The following SPOCK1 variants were observed in gnomAD, a reference collection of about 807,000 sequenced individuals.
SPOCK1 encodes the protein testican-1.
In SPOCK1, 23 loss-of-function variants were observed where a neutral mutation model predicts 55.3. The ratio of observed to expected loss-of-function variants is 0.42; its 90% CI spans 0.30 to 0.59. The LOEUF is 0.59. SPOCK1 is among the 20% of genes least tolerant of loss of function. The pLI is 0.22. For synonymous variants in SPOCK1, 226 were observed against 221.0 expected (o/e 1.02, Z -0.20); for missense variants, 499 against 552.5 (o/e 0.90, Z 0.97).
Position 136,976,077 on chromosome 5 carries a change from G to A in SPOCK1, c.*2577C>T, listed in dbSNP as rs976646092. 6.6e-6 allele frequency: 1 copy of A among 152,062 alleles called. No homozygotes were observed. Among genetic ancestry groups the A allele is most frequent in the South Asian group, 2.1e-4 (1 of 4,828 alleles). 9.4% of individuals were successfully genotyped at this position (152,062 alleles called of 1,614,324 possible). On this transcript the variant is annotated 3_prime_UTR_variant, in exon 11 of 11. Transcript: ENST00000394945. ...CACTGGTACAAGTGGACTTTTTGGA[G>A]GACTATTTCCAAGAAGAAGAAAGCA...
chr5:137,418,773 T>C (rs1384008643), intron 2 of SPOCK1, among the ~76,000 whole-genome samples: 1 of 152,236 alleles, frequency 6.6e-6, no homozygotes, highest in Non-Finnish European at 1.5e-5. Flanking sequence ...CTGATGGTAG[T>C]TAATTTTGCT....
At chr5:137,286,840 A>G (rs948863848) in intron 2 of SPOCK1, among the ~76,000 whole-genome samples, 2 of 152,188 alleles carry the variant, frequency 1.3e-5, no homozygotes, top group Non-Finnish European at 2.9e-5. Context: ...GTATGAATTA[A>G]CCTACATCAT....
At chr5:137,425,950 AG>A (rs1460075926) in intron 2 of SPOCK1, among the ~76,000 whole-genome samples, 5 of 143,914 alleles carry the variant, frequency 3.5e-5, no homozygotes, top group Non-Finnish European at 6.0e-5. Context: ...TATATTGTTA[AG>A]GGTACATTAC....
chr5:137,056,473 A>G (rs1037111695), intron 6 of SPOCK1, among the ~76,000 whole-genome samples: 3 of 152,140 alleles, frequency 2.0e-5, no homozygotes, highest in African/African-American at 7.2e-5. Flanking sequence ...GGCTTAGGAT[A>G]TAATATCCTA....
intron 3 of SPOCK1, among the ~76,000 whole-genome samples, chr5:137,153,410 A>G (rs1384235935): frequency 6.6e-6 from 1 of 152,192 alleles, no homozygotes; most frequent in Non-Finnish European, 1.5e-5. Flanking sequence ...GGAGACTTCA[A>G]TTTGTCAATT....
At chr5:137,336,083 T>G (rs1266416892) in intron 2 of SPOCK1, among the ~76,000 whole-genome samples, 1 of 152,208 alleles carries the variant, frequency 6.6e-6, no homozygotes. Flanking sequence ...TCTAAAATAA[T>G]GAATACTCTG....
chr5:137,184,772 C>A (rs914709312), intron 3 of SPOCK1, among the ~76,000 whole-genome samples: 1 of 152,098 alleles, frequency 6.6e-6, no homozygotes, highest in African/African-American at 2.4e-5. Flanking sequence ...CTCCATCACC[C>A]CCTCCTGTTC....
chr5:137,130,784 C>A (rs1218348358), intron 4 of SPOCK1, among the ~76,000 whole-genome samples: 1 of 152,234 alleles, frequency 6.6e-6, no homozygotes, highest in Non-Finnish European at 1.5e-5. Context: ...ACAAGCCAGG[C>A]TGAGAGGAGA....
At chr5:137,050,502 C>A (rs572464673) in intron 6 of SPOCK1, among the ~76,000 whole-genome samples, 2 of 150,364 alleles carry the variant, frequency 1.3e-5, no homozygotes, top group Admixed American at 6.6e-5. Flanking sequence ...CTTCGGCTCG[C>A]GCACGGTGCG....
chr5:137,323,740 A>G (rs1330923805), intron 2 of SPOCK1, among the ~76,000 whole-genome samples: 1 of 152,168 alleles, frequency 6.6e-6, no homozygotes, highest in Non-Finnish European at 1.5e-5. Context: ...ACTCAACATC[A>G]CTAATAAGCA....
rs1488328989 is a variant in SPOCK1 at position 137,140,393 on chromosome 5, T to C, written c.347+187A>G. 2.0e-5 allele frequency among the ~76,000 whole-genome samples: 3 copies of C among 152,248 alleles called. No individual in the cohort carries two copies. The East Asian group carries it at 5.8e-4, about 29-fold the overall frequency. ...AAAGGAAATAAAGATGGACATTCTT[T>C]GTAAACCTGTGTTTGAGAACTGAGA... On this transcript the variant is annotated intron_variant, in intron 4 of 10. Coordinates refer to ENST00000394945, the MANE Select transcript of SPOCK1 (RefSeq NM_004598.4).
intron 3 of SPOCK1, among the ~76,000 whole-genome samples, chr5:137,204,569 A>G (rs1755486698): frequency 1.3e-5 from 2 of 151,914 alleles, no homozygotes; most frequent in African/African-American, 4.8e-5. Context: ...ACCCTGTACC[A>G]TAGATTCTAC....
At chr5:137,451,567 T>C (rs1753256421) in intron 2 of SPOCK1, among the ~76,000 whole-genome samples, 1 of 152,234 alleles carries the variant, frequency 6.6e-6, no homozygotes. Context: ...CTAATGTGCT[T>C]TCCCTGCAAC....
chr5:137,043,139 G>C (rs1201928113), intron 6 of SPOCK1, among the ~76,000 whole-genome samples: 1 of 152,084 alleles, frequency 6.6e-6, no homozygotes, highest in African/African-American at 2.4e-5. Context: ...CACCACAGTG[G>C]GGGTATGTCA....
At chr5:137,075,985 C>A (rs1423973320) in intron 5 of SPOCK1, among the ~76,000 whole-genome samples, 1 of 152,198 alleles carries the variant, frequency 6.6e-6, no homozygotes, top group Non-Finnish European at 1.5e-5. Flanking sequence ...GAGAATAGTG[C>A]AGATGAGGAA....
chr5:137,075,676 A>G (rs1259168179), intron 5 of SPOCK1, among the ~76,000 whole-genome samples: 1 of 152,172 alleles, frequency 6.6e-6, no homozygotes, highest in Non-Finnish European at 1.5e-5. Flanking sequence ...GTTTCTCTAA[A>G]CTGTGTGACG....
rs187737705 is a variant in SPOCK1, at chr5:137,183,575, T to C, written c.233-42881A>G. Among the ~76,000 whole-genome samples the C allele has an allele frequency of 1.7e-3, 254 of 152,344 alleles. 3 individuals carry two copies. Among genetic ancestry groups the C allele is most frequent in the Admixed American group, 0.015 (234 of 15,302 alleles). On this transcript the variant is annotated intron_variant, in intron 3 of 10. Coordinates refer to ENST00000394945, the MANE Select transcript of SPOCK1 (RefSeq NM_004598.4). Reference sequence around the variant, plus strand: ...TGGTTGTGACCAAGATTCTGTACTTTTAAGTTCTCCAGAGGACTTTTGCAG... The same window carrying C: ...TGGTTGTGACCAAGATTCTGTACTTCTAAGTTCTCCAGAGGACTTTTGCAG...
At chr5:137,425,046 A>G (rs113705334) in intron 2 of SPOCK1, among the ~76,000 whole-genome samples, 3 of 152,360 alleles carry the variant, frequency 2.0e-5, no homozygotes, top group African/African-American at 7.2e-5. Context: ...CTAGAACTTT[A>G]CCAAAGGGTT....
At chr5:137,160,549 AAT>A (rs1380182348) in intron 3 of SPOCK1, among the ~76,000 whole-genome samples, 13,091 of 57,136 alleles carry the variant, frequency 0.23, 1,358 homozygotes, top group Middle Eastern at 0.32. Context: ...TAATATATAT[AAT>A]ATATATTATA....
Sources: allele counts gnomAD v4.1 joint callset (sites outside exome capture counted in the v4.1 genomes callset), GRCh38; gene constraint gnomAD v4.1.1; transcripts MANE v1.5; gene names NCBI Gene and HGNC (gene_info 2026-07-23, HGNC 2026-07-21).